DNAJC3: variants seen among roughly 807,000 people sequenced by gnomAD.
DNAJC3 encodes DnaJ heat shock protein family (Hsp40) member C3, also known as dnaJ homolog subfamily C member 3.
DNAJC3 carries 38 observed loss-of-function variants against 68.6 expected under a neutral mutation model. The observed-to-expected ratio is 0.55, with a 90% CI of 0.43 to 0.73. The LOEUF (loss-of-function observed/expected upper bound fraction) is 0.73, where lower values mean the gene tolerates loss of function less well. Ranked by LOEUF, DNAJC3 falls within the 30% of genes least tolerant of loss-of-function variation. The pLI is 0.00. For synonymous variants in DNAJC3, 203 were observed against 204.0 expected, an observed-to-expected ratio of 1.00 and a Z score of 0.04; for missense variants, 526 against 591.9, an observed-to-expected ratio of 0.89 and a Z score of 1.16.
intron 9 of DNAJC3, among the ~76,000 whole-genome samples, chr13:95,764,639 A>G (rs1882921482): frequency 8.5e-6 from 1 of 117,260 alleles, no homozygotes; most frequent in African/African-American, 3.1e-5. Flanking sequence ...TTTGAAAAAT[A>G]GAATCCATAT....
At chr13:95,778,340 C>T (rs1280380783) in intron 9 of DNAJC3, among the ~76,000 whole-genome samples, 2 of 152,162 alleles carry the variant, frequency 1.3e-5, no homozygotes, top group Non-Finnish European at 2.9e-5. Context: ...AAGCAGAATG[C>T]AGCACAGACA....
At chr13:95,687,461 G>A (rs938661055) in intron 1 of DNAJC3, among the ~76,000 whole-genome samples, 3 of 152,164 alleles carry the variant, frequency 2.0e-5, no homozygotes, top group Non-Finnish European at 2.9e-5. Context: ...TTCTTAGGGT[G>A]AATGCTTTCA....
intron 3 of DNAJC3, among the ~76,000 whole-genome samples, 195 bp downstream of exon 3, chr13:95,723,561 C>T (rs1483464715): frequency 6.6e-6 from 1 of 151,904 alleles, no homozygotes; most frequent in Non-Finnish European, 1.5e-5. Flanking sequence ...ACAGCGGGTA[C>T]ATTAGATGTT....
rs531142426 is a variant in DNAJC3, at chr13:95,769,834, G to A, written c.1075+5881G>A. Among the ~76,000 whole-genome samples, 3 of 152,316 alleles carry A rather than the reference G, an allele frequency of 2.0e-5. No homozygotes were observed. The South Asian group carries it at 6.2e-4, about 32-fold the overall frequency. The stretch of plus-strand genomic sequence containing the variant: ...CTGGTTTGGGATTAGCACATTTGCT[G>A]ACCATATCAGCTGGGTAAAACATTG... On this transcript the variant is annotated intron_variant, in intron 9 of 11. Coordinates refer to ENST00000602402, the MANE Select transcript of DNAJC3 (RefSeq NM_006260.5).
At chr13:95,740,785 G>C (rs969699438) in intron 4 of DNAJC3, among the ~76,000 whole-genome samples, 1 of 152,172 alleles carries the variant, frequency 6.6e-6, no homozygotes, top group Non-Finnish European at 1.5e-5. Flanking sequence ...CGTCGCTCAC[G>C]CTGGGAGCTG....
intron 1 of DNAJC3, among the ~76,000 whole-genome samples, chr13:95,707,885 C>T (rs1271338313): frequency 3.3e-5 from 5 of 152,134 alleles, no homozygotes; most frequent in African/African-American, 1.2e-4. Flanking sequence ...TGCTGTGTGG[C>T]TGGTCCATAG....
chr13:95,760,113 C>T lies in DNAJC3; in HGVS notation c.620C>T (p.Ala207Val). Residue 207 changes from alanine to valine, a missense_variant, in exon 6 of 12, where the codon GCT becomes GTT. Physicochemically the swap from Ala to Val is moderately conservative, Grantham distance 64 (BLOSUM62 0). Transcript: ENST00000602402. ...CFIKEGEPRKAISDLKAASKL... is the reference protein window; with the variant it reads ...CFIKEGEPRKVISDLKAASKL... ...ATAAAAGAAGGAGAACCTAGGAAAG[C>T]TATAAGTGACTTAAAAGCTGCGTCA... The T allele has an allele frequency of 6.2e-7, 1 of 1,612,918 alleles. No homozygotes were observed. Among genetic ancestry groups the T allele is most frequent in the East Asian group, 2.2e-5 (1 of 44,826 alleles).
chr13:95,677,174 G>A lies in DNAJC3; in HGVS notation c.-82G>A. 3 of 1,341,834 alleles carry A rather than the reference G, an allele frequency of 2.2e-6. No homozygotes were observed. The highest frequency in any genetic ancestry group is 3.1e-6 in the Non-Finnish European group (3 of 980,486). The allele number at this position is 1,341,834 out of a possible 1,614,324, so 83.1% of individuals were successfully genotyped here. On this transcript the variant is annotated 5_prime_UTR_variant, in exon 1 of 12. Transcript: ENST00000602402. ...AGGCCTGAGCGAGAGCCGACGGCGG[G>A]CGGGCGCAGCTGCTGCCGGAGCGCC... is the stretch of plus-strand genomic sequence containing the variant.
intron 7 of DNAJC3, among the ~76,000 whole-genome samples, chr13:95,761,981 T>C (rs966876297): frequency 6.6e-6 from 1 of 152,212 alleles, no homozygotes; most frequent in Non-Finnish European, 1.5e-5. Flanking sequence ...CCTTGTTTAC[T>C]GTTGAGTAGT....
intron 4 of DNAJC3, among the ~76,000 whole-genome samples, chr13:95,755,756 C>CAAAAAAAAAAA (rs56659621): frequency 3.3e-4 from 5 of 15,094 alleles, no homozygotes; most frequent in Admixed American, 9.9e-4. Flanking sequence ...GACGCCGTCT[C>CAAAAAAAAAAA]AAAAAAAAAA....
intron 2 of DNAJC3, 94 bp from the exon 3 acceptor site, chr13:95,723,148 G>C (rs1881392136): frequency 8.8e-7 from 1 of 1,136,682 alleles, no homozygotes; most frequent in Non-Finnish European, 1.2e-6. Flanking sequence ...TCTTAGTAGA[G>C]TTGCAAGTGC....
chr13:95,700,300 A>C (rs1200094852), intron 1 of DNAJC3, among the ~76,000 whole-genome samples: 2 of 152,206 alleles, frequency 1.3e-5, no homozygotes, highest in East Asian at 1.9e-4. Flanking sequence ...AATTATTTTC[A>C]TAAAAGAGGT....
intron 9 of DNAJC3, among the ~76,000 whole-genome samples, chr13:95,775,514 C>T (rs1454907440): frequency 1.3e-5 from 2 of 152,144 alleles, no homozygotes; most frequent in African/African-American, 4.8e-5. Flanking sequence ...CTTTCTTACC[C>T]TGTCACCTTT....
At chr13:95,714,010 C>T (rs1288263206) in intron 2 of DNAJC3, among the ~76,000 whole-genome samples, 1 of 152,196 alleles carries the variant, frequency 6.6e-6, no homozygotes, top group Non-Finnish European at 1.5e-5. Context: ...CAGTAGCCTG[C>T]TGTATAAATA....
At chr13:95,734,211 G>A (rs946443066) in intron 4 of DNAJC3, among the ~76,000 whole-genome samples, 2 of 152,150 alleles carry the variant, frequency 1.3e-5, no homozygotes, top group Admixed American at 1.3e-4. Flanking sequence ...AGCATTTCTT[G>A]TAGAATTGGT....
intron 4 of DNAJC3, 123 bp downstream of exon 4, chr13:95,725,375 A>G: frequency 1.8e-6 from 1 of 557,924 alleles, no homozygotes. Flanking sequence ...TAGACAGTAA[A>G]TAGAGAATAG....
intron 9 of DNAJC3, among the ~76,000 whole-genome samples, chr13:95,769,416 T>C (rs1440751339): frequency 6.6e-6 from 1 of 152,226 alleles, no homozygotes; most frequent in Non-Finnish European, 1.5e-5. Context: ...AAGATGCTGA[T>C]TGTATTTAAG....
chr13:95,680,438 T>A (rs1879882920), intron 1 of DNAJC3, among the ~76,000 whole-genome samples: 1 of 152,182 alleles, frequency 6.6e-6, no homozygotes, highest in South Asian at 2.1e-4. Flanking sequence ...AAAGGTATGT[T>A]TTGTCTTTTC....
intron 4 of DNAJC3, chr13:95,745,859 G>T (rs180707839): frequency 1.1e-4 from 16 of 152,292 alleles, no homozygotes; most frequent in Admixed American, 2.0e-4. Context: ...TGGAACAAGA[G>T]GTAGGAACCT....
Sources: allele counts gnomAD v4.1 joint callset (sites outside exome capture counted in the v4.1 genomes callset), GRCh38; gene constraint gnomAD v4.1.1; transcripts MANE v1.5; gene names NCBI Gene and HGNC (gene_info 2026-07-23, HGNC 2026-07-21).